WNK1: variants seen among roughly 807,000 people sequenced by gnomAD.
WNK1 encodes WNK lysine deficient protein kinase 1, also known as serine/threonine-protein kinase WNK1.
Under a neutral mutation model 222.8 loss-of-function variants are expected in WNK1, and 38 were observed. That is an observed-to-expected ratio of 0.17 (90% confidence interval 0.13 to 0.22). The LOEUF is 0.22. WNK1 is among the 10% of genes least tolerant of loss of function. The pLI is 1.00. For synonymous variants in WNK1, 1,090 were observed against 1,092.9 expected (o/e 1.00, Z 0.05); for missense variants, 2,348 against 2,918.4 (o/e 0.80, Z 4.50).
chr12:900,693 C>T (rs1003426342), intron 26 of WNK1, 23 bp downstream of exon 26: 2 of 1,613,858 alleles, frequency 1.2e-6, no homozygotes, highest in Non-Finnish European at 1.7e-6. Flanking sequence ...CCATCATCGT[C>T]CAAAAACAAT....
chr12:877,906 T>A (rs574894989), intron 9 of WNK1: 1 of 394,278 alleles, frequency 2.5e-6, no homozygotes, highest in African/African-American at 2.1e-5. Flanking sequence ...AAAGGAACTG[T>A]CTGGATATGT....
chr12:822,441 T>A (rs1299932684), intron 2 of WNK1, among the ~76,000 whole-genome samples: 2 of 152,198 alleles, frequency 1.3e-5, no homozygotes, highest in Non-Finnish European at 2.9e-5. Context: ...TTTTGCTCCT[T>A]ATCTCCTTCA....
chr12:836,670 G>A (rs1949207918), intron 4 of WNK1, among the ~76,000 whole-genome samples: 1 of 152,200 alleles, frequency 6.6e-6, no homozygotes, highest in South Asian at 2.1e-4. Context: ...AAATTATTCT[G>A]TGTAGAGATG....
Position 753,596 on chromosome 12 carries a change from A to G in WNK1, c.31A>G (p.Ser11Gly), listed in dbSNP as rs1939510686. 6.2e-7 allele frequency: 1 copy of G among 1,612,556 alleles called. No individual in the cohort carries two copies. The highest frequency in any genetic ancestry group is 8.5e-7 in the Non-Finnish European group (1 of 1,179,914). Reference sequence around the variant, plus strand: ...TGGCGGCGCCGCAGAGAAGCAGAGCAGCACTCCCGGTTCCCTGTTCCTCTC... The same window carrying G: ...TGGCGGCGCCGCAGAGAAGCAGAGCGGCACTCCCGGTTCCCTGTTCCTCTC... The part of the protein sequence containing the change: MSGGAAEKQS[S>G]TPGSLFLSPP... Residue 11 changes from serine to glycine, a missense_variant, in exon 1 of 28, where the codon AGC becomes GGC. This residue lies in a region of WNK1 where 108 missense variants were observed against 109.7 expected (regional missense o/e 0.98). Coordinates refer to ENST00000315939, the MANE Select transcript of WNK1 (RefSeq NM_018979.4). The surrounding 1 kb of genome is among the most constrained non-coding windows in gnomAD (Gnocchi z 5.2).
intron 14 of WNK1, 41 bp downstream of exon 14, chr12:882,114 A>G (rs1363801619): frequency 3.2e-6 from 5 of 1,563,484 alleles, no homozygotes; most frequent in Non-Finnish European, 4.3e-6. Flanking sequence ...TGTTAAAGGA[A>G]TTTGACACTG....
At chr12:825,514 CAT>C (rs1948285205) in intron 2 of WNK1, among the ~76,000 whole-genome samples, 1 of 152,114 alleles carries the variant, frequency 6.6e-6, no homozygotes, top group South Asian at 2.1e-4. Flanking sequence ...CTGTAATTTT[CAT>C]ATCTTATACA....
At chr12:804,098 T>G (rs1946127455) in intron 1 of WNK1, among the ~76,000 whole-genome samples, 1 of 152,212 alleles carries the variant, frequency 6.6e-6, no homozygotes, top group South Asian at 2.1e-4. Flanking sequence ...GTACCTCAAG[T>G]CCTTACCAAG....
intron 4 of WNK1, among the ~76,000 whole-genome samples, chr12:840,151 A>T (rs1361120664): frequency 6.6e-6 from 1 of 151,896 alleles, no homozygotes; most frequent in African/African-American, 2.4e-5. Context: ...TTTTTGAGAG[A>T]AAGTCTCACT....
At chr12:795,644 T>C (rs1229991376) in intron 1 of WNK1, among the ~76,000 whole-genome samples, 1 of 142,420 alleles carries the variant, frequency 7.0e-6, no homozygotes, top group Non-Finnish European at 1.5e-5. Flanking sequence ...CTTGGATATG[T>C]CTTTATCAGC....
intron 4 of WNK1, among the ~76,000 whole-genome samples, chr12:846,491 T>C (rs942338286): frequency 2.6e-5 from 4 of 152,196 alleles, no homozygotes; most frequent in Non-Finnish European, 5.9e-5. Context: ...AGTAAGTTAA[T>C]TTCTTTGATA....
At chr12:851,257 A>G (rs7135192) in intron 4 of WNK1, among the ~76,000 whole-genome samples, 1,549 of 152,246 alleles carry the variant, frequency 0.01, 27 homozygotes, top group African/African-American at 0.035. Flanking sequence ...TTTAAAGTAC[A>G]CTTTCAAAAT....
At chr12:867,073 A>C (rs547357194) in intron 8 of WNK1, among the ~76,000 whole-genome samples, 1 of 152,212 alleles carries the variant, frequency 6.6e-6, no homozygotes, top group Non-Finnish European at 1.5e-5. Context: ...CAGTAAGCCA[A>C]GATTGTCACT....
Position 883,927 on chromosome 12 carries a change from C to A in WNK1, c.3721+96C>A, listed in dbSNP as rs1953415739. On this transcript the variant is annotated intron_variant, in intron 17 of 27. Transcript: ENST00000315939. ...TCTGTAGTCCCAGCTACTCAGGAGG[C>A]CGAGGCACGAGAATCGCTTGAACCC... 1.4e-5 allele frequency: 22 copies of A among 1,530,752 alleles called. No homozygotes were observed. In the South Asian group the frequency reaches 2.5e-4, roughly 17 times the overall value. 94.8% of individuals were successfully genotyped at this position (1,530,752 alleles called of 1,614,324 possible). A position where few individuals can be genotyped will look rare whatever the true frequency, so the allele number is the denominator to read the frequency against.
At chr12:796,974 A>G (rs186211574) in intron 1 of WNK1, among the ~76,000 whole-genome samples, 1 of 152,166 alleles carries the variant, frequency 6.6e-6, no homozygotes, top group African/African-American at 2.4e-5. Context: ...TGTTATGTGA[A>G]GTTCTCAAGA....
At chr12:848,747 T>C (rs927634447) in intron 4 of WNK1, among the ~76,000 whole-genome samples, 2 of 152,120 alleles carry the variant, frequency 1.3e-5, no homozygotes, top group Admixed American at 6.5e-5. Flanking sequence ...AGGCACTGAC[T>C]TTGAGAGAAA....
intron 1 of WNK1, among the ~76,000 whole-genome samples, chr12:803,541 G>A (rs913567524): frequency 6.6e-6 from 1 of 152,164 alleles, no homozygotes; most frequent in Non-Finnish European, 1.5e-5. Context: ...CCAGCACTTT[G>A]GGAGGCTGAG....
intron 9 of WNK1, among the ~76,000 whole-genome samples, chr12:872,152 G>A (rs1291206828): frequency 6.6e-6 from 1 of 152,028 alleles, no homozygotes; most frequent in Non-Finnish European, 1.5e-5. Context: ...TTTTGAGACA[G>A]CCTTGCTCTG....
In WNK1 at chr12:897,580, C is replaced by T; in HGVS notation, c.6347C>T (p.Pro2116Leu). 2 of 1,614,138 alleles carry T rather than the reference C, an allele frequency of 1.2e-6. No individual in the cohort carries two copies. Among genetic ancestry groups the T allele is most frequent in the South Asian group, 1.1e-5 (1 of 91,082 alleles). ...GKVPPAVIIP[P>L]AAPLSGRRRR... Reference sequence around the variant, plus strand: ...GTGCCCCCTGCTGTTATTATTCCCCCAGCTGCTCCCCTTTCAGGGAGAAGA... The same window carrying T: ...GTGCCCCCTGCTGTTATTATTCCCCTAGCTGCTCCCCTTTCAGGGAGAAGA... Residue 2116 changes from proline to leucine, a missense_variant, in exon 25 of 28, where the codon CCA becomes CTA. This residue lies in a region of WNK1 where 1,144 missense variants were observed against 1,273.6 expected (regional missense o/e 0.90). Coordinates refer to ENST00000315939, the MANE Select transcript of WNK1 (RefSeq NM_018979.4).
In WNK1 at chr12:857,209, G is replaced by C. The variant is rs757114444; in HGVS notation, c.1360G>C (p.Glu454Gln). ...CAAAGTAGCAATTCCTGAAGTGAAGGAAATTATTGAAGGATGCATACGACA... is the reference window on the plus strand; with the variant it reads ...CAAAGTAGCAATTCCTGAAGTGAAGCAAATTATTGAAGGATGCATACGACA... The part of the protein sequence containing the change: ...FDKVAIPEVK[E>Q]IIEGCIRQNK... The change falls in exon 5 of 28, where the codon GAA becomes CAA. Residue 454 changes from glutamate to glutamine, a missense_variant. Around this residue, in one of 13 missense-constraint regions of WNK1, gnomAD observed 37 missense variants for 102.8 expected, o/e 0.36. Coordinates refer to ENST00000315939, the MANE Select transcript of WNK1 (RefSeq NM_018979.4). 1 of 1,614,154 alleles carries C rather than the reference G, an allele frequency of 6.2e-7. No individual in the cohort carries two copies. Among genetic ancestry groups the C allele is most frequent in the South Asian group, 1.1e-5 (1 of 91,086 alleles).
Sources: allele counts gnomAD v4.1 joint callset (sites outside exome capture counted in the v4.1 genomes callset), GRCh38; gene constraint gnomAD v4.1.1; regional missense constraint gnomAD v4.1.1; non-coding constraint Gnocchi (gnomAD v3.1); transcripts MANE v1.5; gene names NCBI Gene and HGNC (gene_info 2026-07-23, HGNC 2026-07-21).